Variants in ASIC2 observed in about 807,000 individuals in gnomAD.
ASIC2 encodes the protein acid sensing ion channel subunit 2.
In ASIC2, 25 loss-of-function variants were observed where a neutral mutation model predicts 57.3. The observed-to-expected ratio is 0.44, with a 90% confidence interval of 0.32 to 0.61. ASIC2 has a LOEUF of 0.61. Ranked by LOEUF, ASIC2 falls within the 20% of genes least tolerant of loss-of-function variation. The pLI is 0.06. For synonymous variants in ASIC2, 319 were observed against 307.5 expected, an observed-to-expected ratio of 1.04 and a Z score of -0.39; for missense variants, 641 against 738.1, an observed-to-expected ratio of 0.87 and a Z score of 1.52.
At chr17:33,113,246 C>T (rs1193114867) in intron 1 of ASIC2, among the ~76,000 whole-genome samples, 1 of 152,198 alleles carries the variant, frequency 6.6e-6, no homozygotes, top group African/African-American at 2.4e-5. Context: ...CTCAATGTCT[C>T]CATCTATAAA....
chr17:33,662,624 A>AAAATAAATAAAT (rs71144895), intron 1 of ASIC2, among the ~76,000 whole-genome samples: 15 of 85,746 alleles, frequency 1.7e-4, no homozygotes, highest in Non-Finnish European at 2.4e-4. Flanking sequence ...CTCTGTCTCA[A>AAAATAAATAAAT]AAATAAATAA....
chr17:33,234,193 C>T (rs550367374), intron 1 of ASIC2, among the ~76,000 whole-genome samples: 42 of 152,254 alleles, frequency 2.8e-4, no homozygotes, highest in African/African-American at 8.4e-4. Context: ...AGGTGAAGTT[C>T]GTAAAAAGCC....
chr17:33,342,356 G>T (rs1267046871), intron 1 of ASIC2, among the ~76,000 whole-genome samples: 1 of 149,296 alleles, frequency 6.7e-6, no homozygotes, highest in Admixed American at 6.7e-5. Flanking sequence ...GTGTACGTGT[G>T]TGTGTGTGCT....
At chr17:33,275,112 G>A (rs551818784) in intron 1 of ASIC2, among the ~76,000 whole-genome samples, 3 of 152,166 alleles carry the variant, frequency 2.0e-5, no homozygotes, top group Non-Finnish European at 2.9e-5. Context: ...ACTGCAAAAT[G>A]AAGTGGTGAA....
intron 1 of ASIC2, among the ~76,000 whole-genome samples, chr17:33,691,931 AT>A (rs1908384033): frequency 6.6e-6 from 1 of 152,220 alleles, no homozygotes; most frequent in Non-Finnish European, 1.5e-5. Context: ...TGATAACATC[AT>A]AAAGTGCACT....
intron 1 of ASIC2, among the ~76,000 whole-genome samples, chr17:33,732,970 A>G (rs574134320): frequency 8.1e-4 from 123 of 152,298 alleles, no homozygotes; most frequent in African/African-American, 2.8e-3. Context: ...TGCATTAAGT[A>G]TCTTTGAAAG....
At chr17:33,390,753 C>A (rs1473923491) in intron 1 of ASIC2, among the ~76,000 whole-genome samples, 1 of 152,214 alleles carries the variant, frequency 6.6e-6, no homozygotes, top group East Asian at 1.9e-4. Flanking sequence ...TGCGTCAGAG[C>A]GCACGGGACA....
At chr17:33,674,997 C>A (rs1425072267) in intron 1 of ASIC2, among the ~76,000 whole-genome samples, 1 of 152,140 alleles carries the variant, frequency 6.6e-6, no homozygotes, top group Non-Finnish European at 1.5e-5. Flanking sequence ...GAAACCGAAT[C>A]AGATAAACAA....
At chr17:33,737,454 G>A (rs1476306976) in intron 1 of ASIC2, among the ~76,000 whole-genome samples, 1 of 152,228 alleles carries the variant, frequency 6.6e-6, no homozygotes, top group Admixed American at 6.5e-5. Flanking sequence ...GAATGGTTTG[G>A]CTTGCTTCCT....
chr17:33,384,424 T>A (rs545425333), intron 1 of ASIC2, among the ~76,000 whole-genome samples: 8 of 152,182 alleles, frequency 5.3e-5, no homozygotes, highest in Admixed American at 1.3e-4. Flanking sequence ...ATCTTTTTTT[T>A]CTGTGAACTG....
rs537242210 is a variant in ASIC2 at position 33,084,669 on chromosome 17, C to T, written c.987+4194G>A. On this transcript the variant is annotated intron_variant, in intron 3 of 9. Transcript: ENST00000225823. Reference sequence around the variant, plus strand: ...CCTCAAGTGTCCCTACAGCATAATGCCTGGCAGGTAGCATGTGCTCCATTG... The same window carrying T: ...CCTCAAGTGTCCCTACAGCATAATGTCTGGCAGGTAGCATGTGCTCCATTG... Among the ~76,000 whole-genome samples, 7 of 152,308 alleles carry T rather than the reference C, an allele frequency of 4.6e-5. No individual in the cohort carries two copies. The East Asian group carries it at 5.8e-4, about 13-fold the overall frequency.
intron 1 of ASIC2, among the ~76,000 whole-genome samples, chr17:34,000,053 G>GTT (rs201497398): frequency 1.2e-4 from 18 of 144,940 alleles, no homozygotes; most frequent in East Asian, 6.0e-4. Context: ...TGTTATTGTT[G>GTT]TTTTTTTTTT....
chr17:34,033,933 C>A (rs1907742499), intron 1 of ASIC2, among the ~76,000 whole-genome samples: 1 of 152,126 alleles, frequency 6.6e-6, no homozygotes, highest in Non-Finnish European at 1.5e-5. Context: ...ACCAGAGGTA[C>A]AAAGAGGAGC....
intron 1 of ASIC2, among the ~76,000 whole-genome samples, chr17:33,220,354 T>G (rs1463787967): frequency 1.3e-5 from 2 of 152,146 alleles, no homozygotes; most frequent in African/African-American, 4.8e-5. Flanking sequence ...CTCTGAGAGC[T>G]CTAAAAAAGT....
At chr17:33,441,970 C>G (rs991955931) in intron 1 of ASIC2, among the ~76,000 whole-genome samples, 1 of 152,190 alleles carries the variant, frequency 6.6e-6, no homozygotes, top group Non-Finnish European at 1.5e-5. Context: ...AAATATATTT[C>G]TTTTCAACAC....
At chr17:33,662,734 C>CTCCT (rs1224117308) in intron 1 of ASIC2, among the ~76,000 whole-genome samples, 5 of 150,286 alleles carry the variant, frequency 3.3e-5, no homozygotes, top group African/African-American at 4.9e-5. Flanking sequence ...CCCTCCCTCC[C>CTCCT]TCCTTCCCTC....
At chr17:33,376,594 T>C (rs899922826) in intron 1 of ASIC2, among the ~76,000 whole-genome samples, 1 of 152,164 alleles carries the variant, frequency 6.6e-6, no homozygotes, top group East Asian at 1.9e-4. Context: ...GCAGGCACTG[T>C]TACTACCCCT....
At chr17:33,306,531 A>T (rs190710269) in intron 1 of ASIC2, among the ~76,000 whole-genome samples, 121 of 152,266 alleles carry the variant, frequency 7.9e-4, no homozygotes, top group African/African-American at 2.8e-3. Flanking sequence ...GCTTGGACTT[A>T]TCCTCAACTA....
intron 1 of ASIC2, among the ~76,000 whole-genome samples, chr17:33,905,634 T>G (rs548642512): frequency 2.6e-5 from 4 of 152,164 alleles, no homozygotes; most frequent in Non-Finnish European, 5.9e-5. Context: ...GATAGAGAAT[T>G]CAGTCAACCA....
Sources: allele counts gnomAD v4.1 joint callset (sites outside exome capture counted in the v4.1 genomes callset), GRCh38; gene constraint gnomAD v4.1.1; transcripts MANE v1.5; gene names NCBI Gene and HGNC (gene_info 2026-07-23, HGNC 2026-07-21).